FOXP1: variants seen among roughly 807,000 people sequenced by gnomAD.
The protein encoded by FOXP1 is forkhead box protein P1.
Under a neutral mutation model 98.2 loss-of-function variants are expected in FOXP1, and 15 were observed. That is an observed-to-expected ratio of 0.15 (90% confidence interval 0.10 to 0.24). The LOEUF (loss-of-function observed/expected upper bound fraction) is 0.24, where lower values mean the gene tolerates loss of function less well. FOXP1 is among the 10% of genes least tolerant of loss of function. FOXP1 has a pLI of 1.00. For missense variants in FOXP1, 633 were observed against 848.5 expected, an observed-to-expected ratio of 0.75 and a Z score of 3.15; for synonymous variants, 371 against 314.5, an observed-to-expected ratio of 1.18 and a Z score of -1.90.
At chr3:71,497,457 T>C (rs367865425) in intron 2 of FOXP1, among the ~76,000 whole-genome samples, 17 of 152,304 alleles carry the variant, frequency 1.1e-4, no homozygotes, top group African/African-American at 3.8e-4. Context: ...TTTTTTAAAA[T>C]GTAGCAGTAC....
chr3:71,061,044 T>C (rs2051399437), intron 7 of FOXP1, among the ~76,000 whole-genome samples: 1 of 151,992 alleles, frequency 6.6e-6, no homozygotes. Context: ...CTCAGATAAT[T>C]CAAGTCTCCA....
chr3:71,571,065 T>C (rs1206465218), intron 2 of FOXP1: 3 of 152,170 alleles, frequency 2.0e-5, no homozygotes, highest in Non-Finnish European at 4.4e-5. Context: ...ATTTTCTCTC[T>C]TGTCACCAGG....
At chr3:71,281,295 C>T (rs766667260) in intron 5 of FOXP1, among the ~76,000 whole-genome samples, 1 of 152,024 alleles carries the variant, frequency 6.6e-6, no homozygotes. Context: ...GAGAAAGGGT[C>T]GCTATCACCA....
chr3:70,989,577 T>C (rs1311351903), intron 13 of FOXP1, among the ~76,000 whole-genome samples: 7 of 149,334 alleles, frequency 4.7e-5, no homozygotes, highest in Non-Finnish European at 1.0e-4. Context: ...TTTTCTGCCA[T>C]TATTATTATT....
At chr3:71,436,908 G>A (rs1450738927) in intron 3 of FOXP1, among the ~76,000 whole-genome samples, 1 of 152,034 alleles carries the variant, frequency 6.6e-6, no homozygotes, top group Non-Finnish European at 1.5e-5. Context: ...TCAAAGCAAC[G>A]CTGATCAACA....
chr3:71,086,693 T>C (rs1185188914), intron 7 of FOXP1, among the ~76,000 whole-genome samples: 2 of 152,112 alleles, frequency 1.3e-5, no homozygotes, highest in African/African-American at 2.4e-5. Flanking sequence ...CTCTTCCAAA[T>C]CATCAGCGAC....
chr3:71,106,944 T>C (rs2057490237), intron 7 of FOXP1, among the ~76,000 whole-genome samples: 1 of 151,802 alleles, frequency 6.6e-6, no homozygotes, highest in Non-Finnish European at 1.5e-5. Flanking sequence ...TATTTTTGTA[T>C]TATTCACAGA....
At chr3:70,982,999 C>T (rs898907941) in intron 14 of FOXP1, among the ~76,000 whole-genome samples, 5 of 152,216 alleles carry the variant, frequency 3.3e-5, no homozygotes, top group African/African-American at 1.2e-4. Context: ...TGGCCTGAGC[C>T]AGCTCAAGTC....
chr3:71,168,833 G>A (rs569880415), intron 6 of FOXP1, among the ~76,000 whole-genome samples: 1 of 152,252 alleles, frequency 6.6e-6, no homozygotes, highest in South Asian at 2.1e-4. Flanking sequence ...TAGAACCAAG[G>A]GGCCTAGATT....
chr3:71,491,581 GAA>G (rs1577815126), intron 3 of FOXP1, among the ~76,000 whole-genome samples: 1 of 152,154 alleles, frequency 6.6e-6, no homozygotes, highest in East Asian at 1.9e-4. Context: ...GCCACTGACA[GAA>G]GTAATACTGT....
At chr3:71,371,081 C>T (rs1271449881) in intron 3 of FOXP1, among the ~76,000 whole-genome samples, 3 of 152,002 alleles carry the variant, frequency 2.0e-5, no homozygotes, top group Non-Finnish European at 2.9e-5. Context: ...CTGCGCCTGG[C>T]CCCCAACCCC....
chr3:71,350,466 G>T (rs2077704680), intron 4 of FOXP1, among the ~76,000 whole-genome samples: 1 of 152,138 alleles, frequency 6.6e-6, no homozygotes, highest in South Asian at 2.1e-4. Context: ...CCTTGCACAT[G>T]TAAGTATGTT....
At chr3:71,525,933 T>C (rs902039904) in intron 2 of FOXP1, among the ~76,000 whole-genome samples, 4 of 152,014 alleles carry the variant, frequency 2.6e-5, no homozygotes, top group African/African-American at 9.7e-5. Flanking sequence ...CTGGCCAACA[T>C]GGTAAAACCC....
chr3:71,010,328 A>G (rs1043206780), intron 12 of FOXP1, among the ~76,000 whole-genome samples: 7 of 151,904 alleles, frequency 4.6e-5, no homozygotes, highest in African/African-American at 9.7e-5. Flanking sequence ...TTGGACCTTG[A>G]CTCCACCTCT....
chr3:71,313,062 T>C (rs1356205201), intron 4 of FOXP1, among the ~76,000 whole-genome samples: 2 of 147,266 alleles, frequency 1.4e-5, no homozygotes, highest in South Asian at 2.2e-4. Flanking sequence ...TAATTCTTTT[T>C]TTTTTTTTTT....
intron 4 of FOXP1, among the ~76,000 whole-genome samples, chr3:71,314,530 A>AATATATATATATATAT (rs59655430): frequency 2.8e-5 from 4 of 143,358 alleles, no homozygotes; most frequent in Admixed American, 6.9e-5. Context: ...CCGTCTAAAA[A>AATATATATATATATAT]ATATATATAT....
rs1560349397 is a variant in FOXP1 at position 71,348,559 on chromosome 3, G to GCA, written c.-73+10590_-73+10591insTG. ...TGTGTGTGTGTGTGTGCGTGCGCGC[G>GCA]CGCACGCATATGCATGTGTGTATAA... On this transcript the variant is annotated intron_variant, in intron 4 of 20. Coordinates refer to ENST00000649528, the MANE Select transcript of FOXP1 (RefSeq NM_001349338.3). Among the ~76,000 whole-genome samples the GCA allele has an allele frequency of 1.9e-4, 27 of 139,216 alleles. 1 individual carries two copies. The Middle Eastern group carries it at 0.011, about 56-fold the overall frequency. The allele number at this position is 139,216 out of a possible 152,430, so 91.3% of individuals were successfully genotyped here.
intron 3 of FOXP1, chr3:71,360,608 C>G (rs2078490968): frequency 6.6e-6 from 1 of 151,962 alleles, no homozygotes; most frequent in South Asian, 2.1e-4. Flanking sequence ...CTGCATAGAT[C>G]CTTGAGATAA....
intron 6 of FOXP1, among the ~76,000 whole-genome samples, chr3:71,163,778 C>T (rs935686192): frequency 3.3e-5 from 5 of 152,052 alleles, no homozygotes; most frequent in African/African-American, 1.2e-4. Flanking sequence ...GTCTTGCCAC[C>T]GAGGCCAGCC....
Sources: allele counts gnomAD v4.1 joint callset (sites outside exome capture counted in the v4.1 genomes callset), GRCh38; gene constraint gnomAD v4.1.1; transcripts MANE v1.5; gene names NCBI Gene and HGNC (gene_info 2026-07-23, HGNC 2026-07-21).